The following LRP1B variants were observed in gnomAD, a reference collection of about 807,000 sequenced individuals.
LRP1B encodes the protein LDL receptor related protein 1B.
Under a neutral mutation model 556.6 loss-of-function variants are expected in LRP1B, and 217 were observed. The observed-to-expected ratio is 0.39, with a 90% CI of 0.35 to 0.44. The LOEUF is 0.44. LRP1B is among the 20% of genes least tolerant of loss of function. The pLI is 1.00. For synonymous variants in LRP1B, 2,047 were observed against 1,865.8 expected, an observed-to-expected ratio of 1.10 and a Z score of -2.50; for missense variants, 5,053 against 5,620.8, an observed-to-expected ratio of 0.90 and a Z score of 3.23.
chr2:141,828,252 T>A (rs1210481440), intron 1 of LRP1B, among the ~76,000 whole-genome samples: 1 of 152,154 alleles, frequency 6.6e-6, no homozygotes, highest in Non-Finnish European at 1.5e-5. Context: ...CATTTTTTTA[T>A]TAATTATGGT....
chr2:140,624,531 A>G (rs146897761), intron 41 of LRP1B, among the ~76,000 whole-genome samples: 1 of 152,242 alleles, frequency 6.6e-6, no homozygotes, highest in Non-Finnish European at 1.5e-5. Flanking sequence ...TTATTTTGAG[A>G]TACTTATCGC....
chr2:141,626,293 C>A lies in LRP1B; in HGVS notation c.206-145760G>T, dbSNP rs543690840. 3.3e-5 allele frequency among the ~76,000 whole-genome samples: 5 copies of A among 152,248 alleles called. No homozygotes were observed. In the East Asian group the frequency reaches 5.8e-4, roughly 18 times the overall value. ...ATAAATCTAGACCCAGACCTAACAG[C>A]CATCACAAAAGTTAACTTGAAATAG... On this transcript the variant is annotated intron_variant, in intron 2 of 90. Coordinates refer to ENST00000389484, the MANE Select transcript of LRP1B (RefSeq NM_018557.3).
intron 1 of LRP1B, among the ~76,000 whole-genome samples, chr2:141,950,028 C>T (rs12467014): frequency 0.37 from 56,318 of 151,848 alleles, 11,391 homozygotes; most frequent in Admixed American, 0.5. Flanking sequence ...AGGAACTATC[C>T]GGTTTAAAAT....
At chr2:141,477,140 A>G (rs1434045232) in intron 3 of LRP1B, among the ~76,000 whole-genome samples, 1 of 108,612 alleles carries the variant, frequency 9.2e-6, no homozygotes, top group Non-Finnish European at 2.1e-5. Context: ...AAACAAACAA[A>G]CAAAAAAAAC....
At chr2:140,474,919 A>G (rs1687907180) in intron 60 of LRP1B, among the ~76,000 whole-genome samples, 1 of 151,846 alleles carries the variant, frequency 6.6e-6, no homozygotes, top group South Asian at 2.1e-4. Context: ...AGAAAAATAG[A>G]TTAAAGAAAA....
chr2:141,977,870 A>ATC lies in LRP1B; in HGVS notation c.82+152777_82+152778insGA, dbSNP rs1701929922. 2.6e-5 allele frequency among the ~76,000 whole-genome samples: 4 copies of ATC among 152,298 alleles called. No homozygotes were observed. In the South Asian group the frequency reaches 8.3e-4, roughly 32 times the overall value. On this transcript the variant is annotated intron_variant, in intron 1 of 90. Coordinates refer to ENST00000389484, the MANE Select transcript of LRP1B (RefSeq NM_018557.3). ...ATTGTTTCTATTCTCTGTGGTTCAT[A>ATC]CAAGCCTAACTTAAAATATCCATTA... is the stretch of plus-strand genomic sequence containing the variant.
chr2:141,508,540 GC>G, intron 2 of LRP1B, among the ~76,000 whole-genome samples: 1 of 152,096 alleles, frequency 6.6e-6, no homozygotes, highest in East Asian at 1.9e-4. Context: ...AATCTACATA[GC>G]TAGTGAATGA....
Position 140,233,210 on chromosome 2 carries a change from A to G in LRP1B, c.13776T>C (p.Ile4592=), listed in dbSNP as rs1680543953. ...RKELLPKKIE[I]GIRETVA ...ATTATGCCACTGTCTCTCTTATACCAATTTCTATTTTCTTTGGAAGCAGTT... is the reference window on the plus strand; with the variant it reads ...ATTATGCCACTGTCTCTCTTATACCGATTTCTATTTTCTTTGGAAGCAGTT... Residue 4592 remains isoleucine, a synonymous_variant, in exon 91 of 91, where the codon ATT becomes ATC. Transcript: ENST00000389484. 1.2e-6 allele frequency: 2 copies of G among 1,601,810 alleles called. No homozygotes were observed. The highest frequency in any genetic ancestry group is 1.7e-5 in the Admixed American group (1 of 59,394).
intron 2 of LRP1B, among the ~76,000 whole-genome samples, chr2:141,544,127 C>T (rs544837617): frequency 6.6e-6 from 1 of 152,076 alleles, no homozygotes; most frequent in African/African-American, 2.4e-5. Context: ...ATTATCAGTG[C>T]AGTTGTTGTC....
intron 1 of LRP1B, among the ~76,000 whole-genome samples, chr2:141,929,721 T>C (rs993823972): frequency 6.6e-6 from 1 of 151,914 alleles, no homozygotes; most frequent in African/African-American, 2.4e-5. Context: ...TTCTTCTTTC[T>C]TAGGACAGAA....
intron 82 of LRP1B, among the ~76,000 whole-genome samples, chr2:140,321,363 TCTGTTA>T (rs1259225507): frequency 2.3e-5 from 3 of 130,114 alleles, no homozygotes; most frequent in Non-Finnish European, 5.3e-5. Context: ...CCATTTTGTT[TCTGTTA>T]GTTTTTAGTT....
intron 47 of LRP1B, among the ~76,000 whole-genome samples, chr2:140,531,802 G>A (rs773354606): frequency 1.3e-5 from 2 of 152,014 alleles, no homozygotes; most frequent in African/African-American, 4.8e-5. Context: ...CAAATATGAC[G>A]GATACCTCCA....
intron 3 of LRP1B, among the ~76,000 whole-genome samples, chr2:141,270,092 C>T (rs1685033629): frequency 6.6e-6 from 1 of 152,012 alleles, no homozygotes; most frequent in African/African-American, 2.4e-5. Context: ...TCCTGCAAGT[C>T]AACAACAAAA....
intron 43 of LRP1B, among the ~76,000 whole-genome samples, chr2:140,578,858 G>A (rs907860862): frequency 3.3e-5 from 5 of 151,972 alleles, no homozygotes; most frequent in East Asian, 1.9e-4. Context: ...TTTAATGTCT[G>A]TTCTCTCACT....
chr2:141,151,179 G>A (rs1244778076), intron 7 of LRP1B, among the ~76,000 whole-genome samples: 2 of 152,088 alleles, frequency 1.3e-5, no homozygotes, highest in Admixed American at 6.6e-5. Flanking sequence ...TGGAGGACCC[G>A]AAGATCTCAT....
chr2:141,455,429 T>G (rs1309299576), intron 3 of LRP1B, among the ~76,000 whole-genome samples: 2 of 152,180 alleles, frequency 1.3e-5, no homozygotes, highest in East Asian at 3.9e-4. Context: ...TCAGTTGAAG[T>G]GTCCGAGTCA....
At chr2:140,417,714 G>A (rs542203719) in intron 66 of LRP1B, among the ~76,000 whole-genome samples, 1 of 152,282 alleles carries the variant, frequency 6.6e-6, no homozygotes, top group South Asian at 2.1e-4. Context: ...AGGTCAAAGA[G>A]GTTGCCCCTG....
At chr2:141,272,699 A>T (rs1439981213) in intron 3 of LRP1B, among the ~76,000 whole-genome samples, 9 of 152,206 alleles carry the variant, frequency 5.9e-5, no homozygotes, top group Non-Finnish European at 1.0e-4. Flanking sequence ...AGACTTTAAA[A>T]ATAAAAATAT....
chr2:140,513,110 A>G (rs1331010708), intron 51 of LRP1B, among the ~76,000 whole-genome samples: 1 of 152,122 alleles, frequency 6.6e-6, no homozygotes, highest in Non-Finnish European at 1.5e-5. Context: ...CCTCATAAAT[A>G]TAGTGTACAT....
Sources: allele counts gnomAD v4.1 joint callset (sites outside exome capture counted in the v4.1 genomes callset), GRCh38; gene constraint gnomAD v4.1.1; transcripts MANE v1.5; gene names NCBI Gene and HGNC (gene_info 2026-07-23, HGNC 2026-07-21).